CHMP4C: variants seen among roughly 807,000 people sequenced by gnomAD.
CHMP4C encodes the protein SNF7 homolog associated with Alix 3.
Under a neutral mutation model 29.0 loss-of-function variants are expected in CHMP4C, and 28 were observed. The ratio of observed to expected loss-of-function variants is 0.97; its 90% CI spans 0.72 to 1.32. CHMP4C has a LOEUF of 1.32. CHMP4C is among the 40% of genes most tolerant of loss of function. The pLI is 0.00. For synonymous variants in CHMP4C, 106 were observed against 102.4 expected (o/e 1.04, Z -0.21); for missense variants, 291 against 281.0 (o/e 1.04, Z -0.25).
intron 1 of CHMP4C, among the ~76,000 whole-genome samples, chr8:81,739,420 G>GGGGA (rs1554592455): frequency 7.4e-6 from 1 of 135,052 alleles, no homozygotes; most frequent in East Asian, 2.2e-4. Flanking sequence ...GGGGATTGTG[G>GGGGA]GGGGGGGTGG....
chr8:81,749,487 G>A (rs940759730), intron 1 of CHMP4C, among the ~76,000 whole-genome samples: 3 of 152,102 alleles, frequency 2.0e-5, no homozygotes, highest in African/African-American at 7.2e-5. Flanking sequence ...TTTCTCCAAG[G>A]GCTTATAATT....
chr8:81,757,647 C>T (rs925061702), intron 3 of CHMP4C, among the ~76,000 whole-genome samples: 1 of 152,158 alleles, frequency 6.6e-6, no homozygotes, highest in African/African-American at 2.4e-5. Flanking sequence ...AAATGCACAG[C>T]ATAATTTATA....
At chr8:81,738,134 T>C (rs1808717854) in intron 1 of CHMP4C, among the ~76,000 whole-genome samples, 1 of 152,206 alleles carries the variant, frequency 6.6e-6, no homozygotes, top group Non-Finnish European at 1.5e-5. Flanking sequence ...CCCCTCATCC[T>C]AGTCCTAGCT....
chr8:81,752,915 A>G (rs1034175486), intron 1 of CHMP4C, 149 bp from the exon 2 acceptor site: 2 of 525,730 alleles, frequency 3.8e-6, no homozygotes, highest in Admixed American at 3.7e-5. Context: ...TGAGAGGACA[A>G]TATGAGTTGT....
chr8:81,753,133 C>G lies in CHMP4C; in HGVS notation c.260C>G (p.Ser87Cys), dbSNP rs749976391. 5.5e-5 allele frequency: 88 copies of G among 1,612,506 alleles called. No individual in the cohort carries two copies. Among genetic ancestry groups the G allele is most frequent in the Non-Finnish European group, 7.1e-5 (84 of 1,179,100 alleles). ...KQLTQIDGTL[S>C]TIEFQREALE... Reference sequence around the variant, plus strand: ...CTCACTCAGATTGATGGCACACTTTCTACCATTGAGTTCCAGAGAGAAGCC... The same window carrying G: ...CTCACTCAGATTGATGGCACACTTTGTACCATTGAGTTCCAGAGAGAAGCC... Residue 87 changes from serine (S) to cysteine (C), a missense_variant, in exon 2 of 5, where the codon TCT becomes TGT. Physicochemically the swap from Ser to Cys is moderately radical, Grantham distance 112 (BLOSUM62 -1). Transcript: ENST00000297265.
At chr8:81,753,015 T>G (rs1808925951) in intron 1 of CHMP4C, 49 bp from the exon 2 acceptor site, 3 of 1,498,260 alleles carry the variant, frequency 2.0e-6, no homozygotes, top group Non-Finnish European at 2.7e-6. Flanking sequence ...ATCTCTTGAT[T>G]TAGTGTCTCT....
chr8:81,757,703 T>C (rs751418333), intron 3 of CHMP4C, among the ~76,000 whole-genome samples: 1 of 152,240 alleles, frequency 6.6e-6, no homozygotes, highest in Non-Finnish European at 1.5e-5. Context: ...CTTTAATTCC[T>C]TTTACTTTCT....
In CHMP4C at chr8:81,753,185, G is replaced by A. The variant is rs745914459; in HGVS notation, c.312G>A (p.Glu104=). ...TGGAGAACTCACACACCAACACTGA[G>A]GTGTTGAGGAACATGGGCTTTGCAG... is the stretch of plus-strand genomic sequence containing the variant. ...EALENSHTNT[E]VLRNMGFAAK... Residue 104 remains glutamate (E), a synonymous_variant, in exon 2 of 5, where the codon GAG becomes GAA. Coordinates refer to ENST00000297265, the MANE Select transcript of CHMP4C (RefSeq NM_152284.4). 1 of 1,611,180 alleles carries A rather than the reference G, an allele frequency of 6.2e-7. No individual in the cohort carries two copies. Among genetic ancestry groups the A allele is most frequent in the Non-Finnish European group, 8.5e-7 (1 of 1,178,406 alleles).
At chr8:81,736,085 C>CAATAAATA (rs55869119) in intron 1 of CHMP4C, among the ~76,000 whole-genome samples, 1 of 135,902 alleles carries the variant, frequency 7.4e-6, no homozygotes, top group Non-Finnish European at 1.6e-5. Flanking sequence ...GACTATGTCT[C>CAATAAATA]AATAAATAAA....
At chr8:81,756,834 T>G (rs1808979008) in intron 3 of CHMP4C, among the ~76,000 whole-genome samples, 1 of 152,166 alleles carries the variant, frequency 6.6e-6, no homozygotes, top group Non-Finnish European at 1.5e-5. Context: ...TGTCCCTGAT[T>G]GTTTTGTGAG....
At chr8:81,752,713 G>C (rs1245338430) in intron 1 of CHMP4C, among the ~76,000 whole-genome samples, 1 of 152,046 alleles carries the variant, frequency 6.6e-6, no homozygotes, top group Non-Finnish European at 1.5e-5. Context: ...TTCTCTAATG[G>C]TTTACTTTTC....
chr8:81,751,592 T>C (rs1808904680), intron 1 of CHMP4C, among the ~76,000 whole-genome samples: 1 of 151,682 alleles, frequency 6.6e-6, no homozygotes, highest in Admixed American at 6.6e-5. Context: ...TGCCCAACAA[T>C]TAAAGGGAAA....
intron 1 of CHMP4C, among the ~76,000 whole-genome samples, chr8:81,739,175 C>T (rs1224104008): frequency 6.8e-6 from 1 of 146,408 alleles, no homozygotes; most frequent in African/African-American, 2.5e-5. Context: ...CGGCTCACTG[C>T]AACCTCTGCC....
intron 1 of CHMP4C, among the ~76,000 whole-genome samples, chr8:81,741,154 A>G (rs1808758269): frequency 6.6e-6 from 1 of 152,124 alleles, no homozygotes; most frequent in Non-Finnish European, 1.5e-5. Flanking sequence ...ATGTTATATA[A>G]TATTACATCT....
At chr8:81,741,818 T>G (rs372544189) in intron 1 of CHMP4C, among the ~76,000 whole-genome samples, 1 of 152,192 alleles carries the variant, frequency 6.6e-6, no homozygotes, top group South Asian at 2.1e-4. Context: ...GTAATTTTCG[T>G]TTCTCCTACC....
intron 1 of CHMP4C, among the ~76,000 whole-genome samples, chr8:81,749,884 T>C (rs569365037): frequency 6.6e-6 from 1 of 152,308 alleles, no homozygotes; most frequent in South Asian, 2.1e-4. Flanking sequence ...AAGGTCACTA[T>C]TGCTATGCAA....
intron 2 of CHMP4C, among the ~76,000 whole-genome samples, chr8:81,754,390 C>T (rs1808945663): frequency 6.6e-6 from 1 of 151,942 alleles, no homozygotes; most frequent in African/African-American, 2.4e-5. Flanking sequence ...GTTTTATATT[C>T]AGTATAAATA....
At chr8:81,737,820 G>GTA (rs1808713301) in intron 1 of CHMP4C, among the ~76,000 whole-genome samples, 1 of 152,162 alleles carries the variant, frequency 6.6e-6, no homozygotes, top group African/African-American at 2.4e-5. Flanking sequence ...TTAGCTCTTG[G>GTA]TATAAACTAA....
intron 3 of CHMP4C, among the ~76,000 whole-genome samples, chr8:81,755,805 CA>C (rs1198833597): frequency 6.6e-6 from 1 of 152,118 alleles, no homozygotes; most frequent in African/African-American, 2.4e-5. Context: ...CTGGGCAAAA[CA>C]AAGTAGACTT....
Sources: allele counts gnomAD v4.1 joint callset (sites outside exome capture counted in the v4.1 genomes callset), GRCh38; gene constraint gnomAD v4.1.1; transcripts MANE v1.5; gene names NCBI Gene and HGNC (gene_info 2026-07-23, HGNC 2026-07-21).